The following TSR3 variants were observed in gnomAD, a reference collection of about 807,000 sequenced individuals.
TSR3 encodes TSR3 ribosome maturation factor, also known as 18S rRNA aminocarboxypropyltransferase.
Under a neutral mutation model 28.1 loss-of-function variants are expected in TSR3, and 31 were observed. The ratio of observed to expected loss-of-function variants is 1.10; its 90% confidence interval spans 0.83 to 1.49. The LOEUF (loss-of-function observed/expected upper bound fraction) is 1.49, where lower values mean the gene tolerates loss of function less well. TSR3 is among the 40% of genes most tolerant of loss of function. The probability of loss-of-function intolerance (pLI) is 0.00; values close to 1 mark genes in which losing one functional copy is unlikely to be tolerated. For synonymous variants in TSR3, 219 were observed against 197.2 expected (o/e 1.11, Z -0.93); for missense variants, 511 against 444.0 (o/e 1.15, Z -1.36).
chr16:1,349,449 C>T lies in TSR3; in HGVS notation c.927G>A (p.Arg309=). ...GTGTCTGCAACCCTCAGTCTCTCTG[C>T]CGTTTCTTGATTCCTTTCCAAACCT... ...PAEVWKGIKK[R]QRD The change falls in exon 6 of 6, where the codon CGG becomes CGA. Residue 309 remains arginine, a synonymous_variant. Coordinates refer to ENST00000007390, the MANE Select transcript of TSR3 (RefSeq NM_001001410.3). 1.2e-6 allele frequency: 2 copies of T among 1,613,556 alleles called. No homozygotes were observed. The highest frequency in any genetic ancestry group is 1.7e-6 in the Non-Finnish European group (2 of 1,179,836).
rs771158363 is a variant in TSR3 at position 1,349,386 on chromosome 16, T to G, written c.*51A>C. The G allele has an allele frequency of 6.2e-7, 1 of 1,607,056 alleles. No individual in the cohort carries two copies. Among genetic ancestry groups the G allele is most frequent in the East Asian group, 2.2e-5 (1 of 44,868 alleles). On this transcript the variant is annotated 3_prime_UTR_variant, in exon 6 of 6. Coordinates refer to ENST00000007390, the MANE Select transcript of TSR3 (RefSeq NM_001001410.3). ...GCCAGGCCCATTTATGTCCCTCATGTCTCTAGATTTTCTCGTCACCCAGCC... is the reference window on the plus strand; with the variant it reads ...GCCAGGCCCATTTATGTCCCTCATGGCTCTAGATTTTCTCGTCACCCAGCC...
chr16:1,349,637 A>C (rs1405214964), intron 5 of TSR3, 29 bp from the exon 6 acceptor site: 1 of 1,563,798 alleles, frequency 6.4e-7, no homozygotes, highest in Admixed American at 1.9e-5. Context: ...CACGTTCCCA[A>C]ATGACGTCCT....
chr16:1,351,104 ATC>A (rs749089660), intron 2 of TSR3, 104 bp from the exon 3 acceptor site: 3 of 1,259,544 alleles, frequency 2.4e-6, no homozygotes, highest in Non-Finnish European at 3.3e-6. Flanking sequence ...TCATTCCGCC[ATC>A]CCCAAACACC....
In TSR3 at chr16:1,351,236, A is replaced by G. The variant is rs1172801916; in HGVS notation, c.332+143T>C. 25 of 1,037,964 alleles carry G rather than the reference A, an allele frequency of 2.4e-5. No homozygotes were observed. The East Asian group carries it at 5.8e-4, about 24-fold the overall frequency. The allele number at this position is 1,037,964 out of a possible 1,614,324, so 64.3% of individuals were successfully genotyped here. On this transcript the variant is annotated intron_variant, in intron 2 of 5. Coordinates refer to ENST00000007390, the MANE Select transcript of TSR3 (RefSeq NM_001001410.3). ...CCTCCTTTATCCCAGGCTCTGCGCTACGCAACGGAGGCAAACTAGACAGAC... is the reference window on the plus strand; with the variant it reads ...CCTCCTTTATCCCAGGCTCTGCGCTGCGCAACGGAGGCAAACTAGACAGAC...
In TSR3 at chr16:1,349,884, C is replaced by T. The variant is rs757025347; in HGVS notation, c.767+5G>A. ...GTGATCATGAAATTAAGCCCAAGGA[C>T]CTACCGGGTGCTGGCCACAGGCCTG... On this transcript the variant is annotated splice_donor_5th_base_variant and intron_variant, in intron 5 of 5. Coordinates refer to ENST00000007390, the MANE Select transcript of TSR3 (RefSeq NM_001001410.3). 4 of 1,613,738 alleles carry T rather than the reference C, an allele frequency of 2.5e-6. No homozygotes were observed. The South Asian group carries it at 4.4e-5, about 18-fold the overall frequency.
Position 1,351,513 on chromosome 16 carries a change from G to A in TSR3, c.198C>T (p.Gly66=), listed in dbSNP as rs370164684. Residue 66 remains glycine, a synonymous_variant, in exon 2 of 6, where the codon GGC becomes GGT. Transcript: ENST00000007390. ...CCGTGCAGCGCCGGGGGTCGCAGTG[G>A]CCCAACTCCCACATGGCCAGCGTGC... The part of the protein sequence containing the change: ...LPCTLAMWEL[G]HCDPRRCTGR... 5.3e-4 allele frequency: 820 copies of A among 1,534,506 alleles called. 3 individuals carry two copies. The highest frequency in any genetic ancestry group is 6.4e-4 in the Non-Finnish European group (738 of 1,148,208).
At chr16:1,351,189 A>G (rs1175828105) in intron 2 of TSR3, among the ~76,000 whole-genome samples, 189 bp from the exon 3 acceptor site, 1 of 152,212 alleles carries the variant, frequency 6.6e-6, no homozygotes, top group Non-Finnish European at 1.5e-5. Context: ...TATTCACTCA[A>G]CAAACGTTTA....
chr16:1,351,709 G>A lies in TSR3; in HGVS notation c.96C>T (p.Val32=). 7.3e-7 allele frequency: 1 copy of A among 1,373,588 alleles called. No homozygotes were observed. The highest frequency in any genetic ancestry group is 9.4e-7 in the Non-Finnish European group (1 of 1,068,584). 85.1% of individuals were successfully genotyped at this position (1,373,588 alleles called of 1,614,324 possible). A position where few individuals can be genotyped will look rare whatever the true frequency, so the allele number is the denominator to read the frequency against. The change falls in exon 1 of 6, where the codon GTC becomes GTT. Residue 32 remains valine, a synonymous_variant. Transcript: ENST00000007390. ...TRSLEAFAEE[V]GAALQASVEP... ...CTCGCTCACCCTGCAGCGCGGCGCC[G>A]ACCTCCTCGGCGAAGGCCTCCAGGG...
Position 1,349,384 on chromosome 16 carries a change from T to G in TSR3, c.*53A>C, listed in dbSNP as rs73485682. On this transcript the variant is annotated 3_prime_UTR_variant, in exon 6 of 6. Transcript: ENST00000007390. Reference sequence around the variant, plus strand: ...CTGCCAGGCCCATTTATGTCCCTCATGTCTCTAGATTTTCTCGTCACCCAG... The same window carrying G: ...CTGCCAGGCCCATTTATGTCCCTCAGGTCTCTAGATTTTCTCGTCACCCAG... 5.5e-5 allele frequency: 88 copies of G among 1,603,326 alleles called. No homozygotes were observed. The highest frequency in any genetic ancestry group is 6.7e-5 in the Non-Finnish European group (79 of 1,171,076).
chr16:1,349,706 T>G, intron 5 of TSR3, 98 bp from the exon 6 acceptor site: 1 of 1,439,736 alleles, frequency 6.9e-7, no homozygotes, highest in South Asian at 1.3e-5. Flanking sequence ...GACAGATTCC[T>G]CTTCCTCCCT....
In TSR3 at chr16:1,350,174, T is replaced by C. The variant is rs765918112; in HGVS notation, c.587A>G (p.Asp196Gly). The change falls in exon 4 of 6, where the codon GAC becomes GGC. Residue 196 changes from aspartate (D) to glycine (G), a missense_variant. Asp to Gly is a moderately conservative substitution (Grantham distance 94, BLOSUM62 -1). Transcript: ENST00000007390. ...RKFKWGKGFL[D>G]LNRQLLDKYA... The stretch of plus-strand genomic sequence containing the variant: ...CTTGTCCAGGAGCTGGCGGTTCAGG[T>C]CCAAGAAGCCCTTGCCCCATTTAAA... 4.8e-5 allele frequency: 78 copies of C among 1,610,174 alleles called. No individual in the cohort carries two copies. The highest frequency in any genetic ancestry group is 5.7e-5 in the Non-Finnish European group (67 of 1,179,754).
In TSR3 at chr16:1,349,860, T is replaced by C. The variant is rs200822692; in HGVS notation, c.767+29A>G. On this transcript the variant is annotated intron_variant, in intron 5 of 5. Transcript: ENST00000007390. ...GGTAGAAGAGAGCCCTGGGTCTGAG[T>C]GATCATGAAATTAAGCCCAAGGACC... 1.3e-4 allele frequency: 202 copies of C among 1,612,762 alleles called. 1 individual carries two copies. The highest frequency in any genetic ancestry group is 1.8e-5 in the Non-Finnish European group (21 of 1,179,410).
Position 1,351,485 on chromosome 16 carries a change from G to A in TSR3, c.226C>T (p.Arg76Cys), listed in dbSNP as rs766344716. 3.8e-6 allele frequency: 6 copies of A among 1,573,694 alleles called. No homozygotes were observed. The highest frequency in any genetic ancestry group is 5.1e-6 in the Non-Finnish European group (6 of 1,168,236). The part of the protein sequence containing the change: ...GHCDPRRCTG[R>C]KLARLGLVRC... ...ACCAGCCCCAGGCGGGCCAGCTTGC[G>A]GCCCGTGCAGCGCCGGGGGTCGCAG... The change falls in exon 2 of 6, where the codon CGC becomes TGC. Residue 76 changes from arginine (R) to cysteine (C), a missense_variant. By Grantham distance (180) the Arg-to-Cys change is radical. Coordinates refer to ENST00000007390, the MANE Select transcript of TSR3 (RefSeq NM_001001410.3).
rs143210621 is a variant in TSR3, at chr16:1,350,943, G to C, written c.390C>G (p.Asp130Glu). ...AVIDCSWARL[D>E]ETPFGKMRGS... ...CTCGCATCTTCCCAAACGGTGTCTC[G>C]TCCAGCCTGGCCCAGGAGCAGTCGA... Residue 130 changes from aspartate (D) to glutamate (E), a missense_variant, in exon 3 of 6, where the codon GAC becomes GAG. Transcript: ENST00000007390. 6.2e-6 allele frequency: 10 copies of C among 1,612,650 alleles called. No individual in the cohort carries two copies. The African/African-American group carries it at 1.1e-4, about 17-fold the overall frequency.
rs2034622485 is a variant in TSR3, at chr16:1,349,914, G to C, written c.742C>G (p.Pro248Ala). Residue 248 changes from proline to alanine, a missense_variant, in exon 5 of 6, where the codon CCC becomes GCC. Physicochemically the swap from Pro to Ala is conservative, Grantham distance 27 (BLOSUM62 -1). Coordinates refer to ENST00000007390, the MANE Select transcript of TSR3 (RefSeq NM_001001410.3). ...CGGGTGCTGGCCACAGGCCTGTTGG[G>C]GTTTCCAAACTCTCTCCCTGAATCC... ...DVDSGREFGN[P>A]NRPVASTRLP... 1 of 1,613,574 alleles carries C rather than the reference G, an allele frequency of 6.2e-7. No individual in the cohort carries two copies. The highest frequency in any genetic ancestry group is 1.7e-5 in the Admixed American group (1 of 59,998).
At position 1,349,913 on chromosome 16, in the gene TSR3, G is replaced by C. The variant is rs1255314666; in HGVS notation, c.743C>G (p.Pro248Arg). The C allele has an allele frequency of 2.5e-6, 4 of 1,613,684 alleles. No individual in the cohort carries two copies. The highest frequency in any genetic ancestry group is 3.3e-4 in the Middle Eastern group (2 of 6,058). Residue 248 changes from proline (P) to arginine (R), a missense_variant, in exon 5 of 6, where the codon CCC becomes CGC. Transcript: ENST00000007390. ...CCGGGTGCTGGCCACAGGCCTGTTG[G>C]GGTTTCCAAACTCTCTCCCTGAATC... ...DVDSGREFGN[P>R]NRPVASTRLP...
chr16:1,351,856 G>C lies in TSR3; in HGVS notation c.-52C>G, dbSNP rs986356876. 18 of 1,275,166 alleles carry C rather than the reference G, an allele frequency of 1.4e-5. No individual in the cohort carries two copies. In the East Asian group the frequency reaches 5.2e-4, roughly 37 times the overall value. The allele number at this position is 1,275,166 out of a possible 1,614,324, so 79.0% of individuals were successfully genotyped here. On this transcript the variant is annotated 5_prime_UTR_variant, in exon 1 of 6. Coordinates refer to ENST00000007390, the MANE Select transcript of TSR3 (RefSeq NM_001001410.3). ...CCCCACCCCACGGCCGCGCCCCTCGGCCTCCCAATGGGCTGTGCGGCTGCC... is the reference window on the plus strand; with the variant it reads ...CCCCACCCCACGGCCGCGCCCCTCGCCCTCCCAATGGGCTGTGCGGCTGCC...
At position 1,351,762 on chromosome 16, in the gene TSR3, C is replaced by A; in HGVS notation, c.43G>T (p.Gly15Cys). Residue 15 changes from glycine (G) to cysteine (C), a missense_variant, in exon 1 of 6, where the codon GGC (glycine) becomes TGC (cysteine). Physicochemically the swap from Gly to Cys is radical, Grantham distance 159. Coordinates refer to ENST00000007390, the MANE Select transcript of TSR3 (RefSeq NM_001001410.3). ...RAARGPGAEG[G>C]RPRHLPTRSL... is the part of the protein sequence containing the mutation. ...CGCGTCGGGAGGTGCCGAGGGCGGC[C>A]GCCTTCCGCCCCCGGCCCGCGCGCT... 7.4e-7 allele frequency: 1 copy of A among 1,351,778 alleles called. No homozygotes were observed. The highest frequency in any genetic ancestry group is 1.8e-5 in the South Asian group (1 of 55,850). The allele number at this position is 1,351,778 out of a possible 1,614,324, so 83.7% of individuals were successfully genotyped here.
rs752604358 is a variant in TSR3 at position 1,349,350 on chromosome 16, G to A, written c.*87C>T. On this transcript the variant is annotated 3_prime_UTR_variant, in exon 6 of 6. Coordinates refer to ENST00000007390, the MANE Select transcript of TSR3 (RefSeq NM_001001410.3). Reference sequence around the variant, plus strand: ...GCTCAGTCCTGCCAGCAGCCGCAAAGAGCCGAGGCTGCCAGGCCCATTTAT... The same window carrying A: ...GCTCAGTCCTGCCAGCAGCCGCAAAAAGCCGAGGCTGCCAGGCCCATTTAT... The A allele has an allele frequency of 3.5e-5, 52 of 1,478,308 alleles. No homozygotes were observed. In the South Asian group the frequency reaches 5.4e-4, roughly 15 times the overall value. 91.6% of individuals were successfully genotyped at this position (1,478,308 alleles called of 1,614,324 possible).
Sources: allele counts gnomAD v4.1 joint callset (sites outside exome capture counted in the v4.1 genomes callset), GRCh38; gene constraint gnomAD v4.1.1; transcripts MANE v1.5; gene names NCBI Gene and HGNC (gene_info 2026-07-23, HGNC 2026-07-21).